SFMBT1: variants seen among roughly 807,000 people sequenced by gnomAD.
The protein encoded by SFMBT1 is scm-like with four MBT domains protein 1.
Under a neutral mutation model 108.7 loss-of-function variants are expected in SFMBT1, and 32 were observed. That is an observed-to-expected ratio of 0.29 (90% CI 0.22 to 0.40). The LOEUF (loss-of-function observed/expected upper bound fraction) is 0.40, where lower values mean the gene tolerates loss of function less well. Among genes scored for constraint, SFMBT1 ranks in the 10% least tolerant of loss-of-function variants. SFMBT1 has a pLI of 1.00. For synonymous variants in SFMBT1, 348 were observed against 369.5 expected (o/e 0.94, Z 0.67); for missense variants, 816 against 1,059.6 (o/e 0.77, Z 3.19).
chr3:52,979,310 A>G (rs1704624969), intron 1 of SFMBT1, among the ~76,000 whole-genome samples: 1 of 152,232 alleles, frequency 6.6e-6, no homozygotes, highest in South Asian at 2.1e-4. Flanking sequence ...TTTAACAGAT[A>G]AATTTCTATT....
intron 1 of SFMBT1, among the ~76,000 whole-genome samples, chr3:53,039,728 G>A (rs920825803): frequency 2.6e-5 from 4 of 152,130 alleles, no homozygotes; most frequent in Admixed American, 1.3e-4. Context: ...CCCACCTCCT[G>A]GGTTCAAGCA....
intron 2 of SFMBT1, among the ~76,000 whole-genome samples, chr3:52,964,988 T>C (rs1704083734): frequency 6.6e-6 from 1 of 152,014 alleles, no homozygotes; most frequent in Non-Finnish European, 1.5e-5. Context: ...CACTCTCCCA[T>C]AAAAGAACCA....
rs981780165 is a variant in SFMBT1 at position 53,021,872 on chromosome 3, C to A, written c.-131+23944G>T. Among the ~76,000 whole-genome samples, 8 of 152,250 alleles carry A rather than the reference C, an allele frequency of 5.3e-5. No homozygotes were observed. The East Asian group carries it at 1.4e-3, about 26-fold the overall frequency. ...ACATTATTTTTGCTTAAATTCAAAC[C>A]AACCATTTTCCCCTAGAATTCTGAT... is the stretch of plus-strand genomic sequence containing the variant. On this transcript the variant is annotated intron_variant, in intron 1 of 20. Transcript: ENST00000394752.
intron 1 of SFMBT1, among the ~76,000 whole-genome samples, chr3:53,032,187 T>C (rs1188854924): frequency 6.6e-6 from 1 of 152,082 alleles, no homozygotes. Context: ...CTGGACAACA[T>C]GGCAAAACCC....
chr3:52,975,299 T>C (rs567913853), intron 1 of SFMBT1, among the ~76,000 whole-genome samples: 9 of 152,146 alleles, frequency 5.9e-5, no homozygotes, highest in Non-Finnish European at 1.2e-4. Context: ...GTTAGAGAAA[T>C]GGTTTTCTTC....
intron 2 of SFMBT1, among the ~76,000 whole-genome samples, chr3:52,955,116 T>C (rs1703736102): frequency 6.6e-6 from 1 of 151,970 alleles, no homozygotes; most frequent in Non-Finnish European, 1.5e-5. Context: ...AATAAACAAA[T>C]ACAGGCACTG....
intron 1 of SFMBT1, among the ~76,000 whole-genome samples, chr3:53,008,519 G>A (rs1355828495): frequency 6.6e-6 from 1 of 151,962 alleles, no homozygotes; most frequent in African/African-American, 2.4e-5. Context: ...GGTCACTAGG[G>A]AAGTAGTATA....
At chr3:53,040,645 C>T (rs1400337205) in intron 1 of SFMBT1, among the ~76,000 whole-genome samples, 1 of 151,626 alleles carries the variant, frequency 6.6e-6, no homozygotes, top group East Asian at 1.9e-4. Context: ...AAAAAAAGAC[C>T]CAATGCACAC....
At position 53,013,076 on chromosome 3, in the gene SFMBT1, A is replaced by G. The variant is rs561093468; in HGVS notation, c.-131+32740T>C. Among the ~76,000 whole-genome samples the G allele has an allele frequency of 3.4e-4, 51 of 151,860 alleles. No individual in the cohort carries two copies. The South Asian group carries it at 9.1e-3, about 27-fold the overall frequency. ...TTTTGAAAAAGCATCTAAAAGACCA[A>G]TCACAATCATCTGAAAATCTGCTTT... On this transcript the variant is annotated intron_variant, in intron 1 of 20. Coordinates refer to ENST00000394752, the MANE Select transcript of SFMBT1 (RefSeq NM_016329.4).
At chr3:52,976,149 C>T (rs1704513095) in intron 1 of SFMBT1, among the ~76,000 whole-genome samples, 1 of 152,102 alleles carries the variant, frequency 6.6e-6, no homozygotes, top group South Asian at 2.1e-4. Context: ...TGCCTGTAAT[C>T]CCAGCACTTT....
At chr3:52,968,836 G>GCCCA (rs1181717848) in intron 2 of SFMBT1, among the ~76,000 whole-genome samples, 2 of 152,050 alleles carry the variant, frequency 1.3e-5, no homozygotes, top group Admixed American at 1.3e-4. Flanking sequence ...CTCGTGATCT[G>GCCCA]CCCACCTCGG....
intron 1 of SFMBT1, among the ~76,000 whole-genome samples, chr3:52,972,578 T>A (rs1704380321): frequency 6.6e-6 from 1 of 152,136 alleles, no homozygotes; most frequent in South Asian, 2.1e-4. Flanking sequence ...ATTTTGGTAT[T>A]ATCACCCTCT....
chr3:53,034,069 TC>T (rs200382137), intron 1 of SFMBT1, among the ~76,000 whole-genome samples: 23,493 of 86,034 alleles, frequency 0.27, 3,615 homozygotes, highest in East Asian at 0.48. Flanking sequence ...AAACTCTGTC[TC>T]CAAAAAAAAA....
chr3:52,976,798 G>A (rs1013708532), intron 1 of SFMBT1, among the ~76,000 whole-genome samples: 11 of 152,158 alleles, frequency 7.2e-5, no homozygotes, highest in Admixed American at 2.0e-4. Flanking sequence ...TAAAAGGTCA[G>A]ATATGAACGA....
At chr3:53,012,198 G>A (rs1472392260) in intron 1 of SFMBT1, among the ~76,000 whole-genome samples, 1 of 152,210 alleles carries the variant, frequency 6.6e-6, no homozygotes, top group African/African-American at 2.4e-5. Context: ...CACTGGCCTT[G>A]CCACTACAAA....
intron 2 of SFMBT1, among the ~76,000 whole-genome samples, chr3:52,955,705 G>C (rs1427039051): frequency 6.6e-6 from 1 of 152,158 alleles, no homozygotes; most frequent in Non-Finnish European, 1.5e-5. Flanking sequence ...AATTGAGGCA[G>C]TAATGAACAG....
intron 1 of SFMBT1, among the ~76,000 whole-genome samples, chr3:52,970,735 T>C (rs1177399634): frequency 6.6e-6 from 1 of 152,194 alleles, no homozygotes; most frequent in Non-Finnish European, 1.5e-5. Flanking sequence ...CAGTAAATGA[T>C]TCTCATAAGC....
rs748067060 is a variant in SFMBT1, at chr3:52,928,197, G to A, written c.1042C>T (p.Pro348Ser). 5 of 1,609,986 alleles carry A rather than the reference G, an allele frequency of 3.1e-6. No homozygotes were observed. The Admixed American group carries it at 5.1e-5, about 16-fold the overall frequency. The stretch of plus-strand genomic sequence containing the variant: ...GAAGACAGCGAATGTGCACCTGGAG[G>A]GGGGCTGATGTGTAGGCCATTCTTC... ...SLKNGLHISP[P>S]PGYPSQDFDW... Residue 348 changes from proline (P) to serine (S), a missense_variant, in exon 9 of 21, where the codon CCT (proline) becomes TCT (serine). This residue lies in a region of SFMBT1 where 495 missense variants were observed against 607.4 expected (regional missense o/e 0.81). Transcript: ENST00000394752.
At chr3:52,974,217 T>C (rs542517966) in intron 1 of SFMBT1, among the ~76,000 whole-genome samples, 6 of 152,322 alleles carry the variant, frequency 3.9e-5, no homozygotes, top group African/African-American at 1.4e-4. Context: ...AAAATTCCTA[T>C]TGAAATGTTT....
Sources: allele counts gnomAD v4.1 joint callset (sites outside exome capture counted in the v4.1 genomes callset), GRCh38; gene constraint gnomAD v4.1.1; regional missense constraint gnomAD v4.1.1; transcripts MANE v1.5; gene names NCBI Gene and HGNC (gene_info 2026-07-23, HGNC 2026-07-21).